The following FCHSD2 variants were observed in gnomAD, a reference collection of about 807,000 sequenced individuals.
FCHSD2 encodes the protein F-BAR and double SH3 domains protein 2.
FCHSD2 carries 38 observed loss-of-function variants against 108.1 expected under a neutral mutation model. The observed-to-expected ratio is 0.35, with a 90% CI of 0.27 to 0.46. The LOEUF is 0.46. Among genes scored for constraint, FCHSD2 ranks in the 20% least tolerant of loss-of-function variants. The probability of loss-of-function intolerance (pLI) is 1.00; values close to 1 mark genes in which losing one functional copy is unlikely to be tolerated. For synonymous variants in FCHSD2, 279 were observed against 314.7 expected, an observed-to-expected ratio of 0.89 and a Z score of 1.20; for missense variants, 751 against 897.8, an observed-to-expected ratio of 0.84 and a Z score of 2.09.
chr11:73,002,058 T>C (rs560518729), intron 4 of FCHSD2, among the ~76,000 whole-genome samples: 107 of 152,300 alleles, frequency 7.0e-4, no homozygotes, highest in African/African-American at 2.4e-3. Context: ...ATAATATTCA[T>C]CTCCTGAGAT....
At chr11:73,098,837 A>G (rs113841029) in intron 2 of FCHSD2, among the ~76,000 whole-genome samples, 1,828 of 152,352 alleles carry the variant, frequency 0.012, 13 homozygotes, top group South Asian at 0.02. Flanking sequence ...GCAATTCTTC[A>G]TGACCTTGGA....
intron 2 of FCHSD2, among the ~76,000 whole-genome samples, chr11:73,132,525 T>A (rs1861027043): frequency 6.6e-6 from 1 of 152,020 alleles, no homozygotes; most frequent in African/African-American, 2.4e-5. Flanking sequence ...TAAGTGCACA[T>A]AAAAAACTCA....
Position 72,920,113 on chromosome 11 carries a change from T to C in FCHSD2, c.828+1715A>G, listed in dbSNP as rs182967548. On this transcript the variant is annotated intron_variant, in intron 9 of 19. Transcript: ENST00000409418. ...AACAATAACATAAACTGTAAGACAG[T>C]AGAAATAATGAATATAAAGGCAAAA... Among the ~76,000 whole-genome samples, 209 of 151,900 alleles carry C rather than the reference T, an allele frequency of 1.4e-3. 2 individuals are homozygous for C. The highest frequency in any genetic ancestry group is 2.5e-3 in the South Asian group (12 of 4,824).
chr11:72,896,902 C>T (rs1159382482), intron 10 of FCHSD2, among the ~76,000 whole-genome samples: 2 of 151,918 alleles, frequency 1.3e-5, no homozygotes, highest in East Asian at 3.9e-4. Context: ...TCTCGGCTCA[C>T]TGCAAGCCCC....
intron 12 of FCHSD2, among the ~76,000 whole-genome samples, chr11:72,886,254 G>T (rs1293652768): frequency 6.6e-6 from 1 of 152,156 alleles, no homozygotes; most frequent in Non-Finnish European, 1.5e-5. Context: ...CTGACTATTA[G>T]AAAGTATTTC....
At chr11:73,049,810 T>C (rs1488986366) in intron 3 of FCHSD2, among the ~76,000 whole-genome samples, 1 of 152,094 alleles carries the variant, frequency 6.6e-6, no homozygotes, top group Non-Finnish European at 1.5e-5. Flanking sequence ...TACCAACTTT[T>C]TAAGGAGAGG....
chr11:72,879,654 C>T (rs967153261), intron 12 of FCHSD2, among the ~76,000 whole-genome samples: 2 of 152,142 alleles, frequency 1.3e-5, no homozygotes, highest in East Asian at 1.9e-4. Context: ...GTAGTTTATA[C>T]ACTATAGAGG....
At chr11:72,987,818 G>A (rs749644671) in intron 6 of FCHSD2, among the ~76,000 whole-genome samples, 1 of 152,146 alleles carries the variant, frequency 6.6e-6, no homozygotes, top group Non-Finnish European at 1.5e-5. Context: ...TTCTAAAAAC[G>A]ACTATGACAG....
At chr11:73,107,952 G>GTA (rs1296961810) in intron 2 of FCHSD2, among the ~76,000 whole-genome samples, 1 of 152,166 alleles carries the variant, frequency 6.6e-6, no homozygotes, top group Admixed American at 6.5e-5. Context: ...TTGATGGATT[G>GTA]TATGGCAAGT....
chr11:72,875,463 A>G (rs1854949121), intron 12 of FCHSD2, among the ~76,000 whole-genome samples: 1 of 152,158 alleles, frequency 6.6e-6, no homozygotes, highest in Non-Finnish European at 1.5e-5. Context: ...TCTCCTGAGC[A>G]GTTGGGACCA....
intron 3 of FCHSD2, among the ~76,000 whole-genome samples, chr11:73,078,529 C>G (rs948560542): frequency 6.6e-6 from 1 of 151,906 alleles, no homozygotes; most frequent in Non-Finnish European, 1.5e-5. Context: ...ATGCATGAAG[C>G]TTAAAAGCTG....
chr11:72,925,686 A>C (rs1046706746), intron 8 of FCHSD2, among the ~76,000 whole-genome samples: 14 of 152,216 alleles, frequency 9.2e-5, no homozygotes, highest in African/African-American at 3.1e-4. Context: ...AGTAGACACG[A>C]TTATCGAAAT....
intron 8 of FCHSD2, among the ~76,000 whole-genome samples, chr11:72,949,691 A>G (rs976884502): frequency 5.3e-5 from 8 of 152,330 alleles, no homozygotes; most frequent in Admixed American, 2.6e-4. Flanking sequence ...CCCATGTTGT[A>G]GCATAAATCA....
intron 8 of FCHSD2, among the ~76,000 whole-genome samples, chr11:72,934,611 G>C (rs1380533549): frequency 6.6e-6 from 1 of 152,158 alleles, no homozygotes; most frequent in African/African-American, 2.4e-5. Context: ...TGGGATCACA[G>C]GCATGAGCTG....
chr11:73,073,088 A>G (rs1440979733), intron 3 of FCHSD2, among the ~76,000 whole-genome samples: 1 of 152,210 alleles, frequency 6.6e-6, no homozygotes, highest in Non-Finnish European at 1.5e-5. Flanking sequence ...CAAAGACTAC[A>G]GGAAGTACTT....
chr11:72,890,108 G>A (rs1855283614), intron 10 of FCHSD2, among the ~76,000 whole-genome samples, 163 bp from the exon 11 acceptor site: 2 of 152,216 alleles, frequency 1.3e-5, no homozygotes, highest in South Asian at 2.1e-4. Flanking sequence ...AAAGTTACCA[G>A]AAGAGTAAGA....
chr11:72,985,063 T>C lies in FCHSD2; in HGVS notation c.575A>G (p.Lys192Arg), dbSNP rs1477568165. The C allele has an allele frequency of 2.4e-6, 3 of 1,227,744 alleles. No individual in the cohort carries two copies. The South Asian group carries it at 3.9e-5, about 16-fold the overall frequency. The allele number at this position is 1,227,744 out of a possible 1,614,324, so 76.1% of individuals were successfully genotyped here. A position where few individuals can be genotyped will look rare whatever the true frequency, so the allele number is the denominator to read the frequency against. Reference protein sequence around the residue: ...SRISLQKASVKLKARRSECNS... With the variant: ...SRISLQKASVRLKARRSECNS... ...GAAATACACTTATTGAAAACTTACCTTTACACTTGCCTTCTGTAAACTGAT... is the reference window on the plus strand; with the variant it reads ...GAAATACACTTATTGAAAACTTACCCTTACACTTGCCTTCTGTAAACTGAT... Residue 192 changes from lysine to arginine, a missense_variant and splice_region_variant, in exon 7 of 20, where the codon AAG (lysine) becomes AGG (arginine). Transcript: ENST00000409418.
intron 2 of FCHSD2, among the ~76,000 whole-genome samples, chr11:73,104,247 A>G (rs2135536021): frequency 6.6e-6 from 1 of 152,368 alleles, no homozygotes; most frequent in East Asian, 1.9e-4. Context: ...CTTCTCCTAA[A>G]CAGAAAAGAT....
chr11:73,094,003 G>C (rs1018597858), intron 2 of FCHSD2, among the ~76,000 whole-genome samples: 5 of 152,124 alleles, frequency 3.3e-5, no homozygotes, highest in African/African-American at 9.7e-5. Context: ...TTGAGGTCAG[G>C]AGTTCAAGCC....
Sources: allele counts gnomAD v4.1 joint callset (sites outside exome capture counted in the v4.1 genomes callset), GRCh38; gene constraint gnomAD v4.1.1; transcripts MANE v1.5; gene names NCBI Gene and HGNC (gene_info 2026-07-23, HGNC 2026-07-21).